ATP8A2: variants seen among roughly 807,000 people sequenced by gnomAD.
ATP8A2 encodes ATPase phospholipid transporting 8A2, also known as phospholipid-transporting ATPase IB.
A neutral mutation model predicts 165.6 loss-of-function variants in ATP8A2; 100 were observed. That is an observed-to-expected ratio of 0.60 (90% confidence interval 0.51 to 0.71). The LOEUF (loss-of-function observed/expected upper bound fraction) is 0.71. ATP8A2 is among the 30% of genes least tolerant of loss of function. The pLI is 0.00. For synonymous variants in ATP8A2, 543 were observed against 548.8 expected, an observed-to-expected ratio of 0.99 and a Z score of 0.15; for missense variants, 1,227 against 1,479.5, an observed-to-expected ratio of 0.83 and a Z score of 2.80.
At chr13:25,568,183 G>A (rs568976792) in intron 16 of ATP8A2, among the ~76,000 whole-genome samples, 1 of 152,304 alleles carries the variant, frequency 6.6e-6, no homozygotes, top group South Asian at 2.1e-4. Flanking sequence ...GGCTCTTAGA[G>A]AATCAACCTA....
intron 27 of ATP8A2, among the ~76,000 whole-genome samples, chr13:25,788,801 A>G (rs1403178001): frequency 2.0e-5 from 3 of 152,328 alleles, no homozygotes; most frequent in Non-Finnish European, 2.9e-5. Flanking sequence ...CTAAGAATCA[A>G]TTGTATTTCA....
At chr13:25,765,958 T>A (rs1053574100) in intron 25 of ATP8A2, among the ~76,000 whole-genome samples, 2 of 152,158 alleles carry the variant, frequency 1.3e-5, no homozygotes, top group Non-Finnish European at 2.9e-5. Context: ...GGGCTTCCTT[T>A]CTCTCCAGAC....
intron 2 of ATP8A2, among the ~76,000 whole-genome samples, chr13:25,515,147 G>C (rs2037425254): frequency 6.6e-6 from 1 of 152,166 alleles, no homozygotes; most frequent in African/African-American, 2.4e-5. Flanking sequence ...TGGCACATTA[G>C]CTTTTCCCGC....
chr13:25,607,915 G>A (rs1208502833), intron 24 of ATP8A2, among the ~76,000 whole-genome samples: 1 of 152,104 alleles, frequency 6.6e-6, no homozygotes, highest in Admixed American at 6.6e-5. Flanking sequence ...GGTAACTCTT[G>A]TTATAAGGGA....
At chr13:25,960,328 C>T (rs982376740) in intron 33 of ATP8A2, among the ~76,000 whole-genome samples, 14 of 152,134 alleles carry the variant, frequency 9.2e-5, no homozygotes, top group African/African-American at 3.4e-4. Context: ...GAATCCTGCC[C>T]TCATTTTACT....
chr13:25,598,502 A>T (rs1171728818), intron 24 of ATP8A2, among the ~76,000 whole-genome samples: 1 of 152,160 alleles, frequency 6.6e-6, no homozygotes, highest in Non-Finnish European at 1.5e-5. Context: ...TCTCTCATTT[A>T]CTTAGGTCTT....
chr13:25,393,583 CTTTTGTA>C (rs2033321661), intron 1 of ATP8A2, among the ~76,000 whole-genome samples: 1 of 151,936 alleles, frequency 6.6e-6, no homozygotes, highest in Admixed American at 6.6e-5. Context: ...GCCCAGCTAA[CTTTTGTA>C]TTTTTAGTAG....
chr13:26,024,304 T>C lies in ATP8A2; in HGVS notation c.*4319T>C, dbSNP rs1352482930. 6.6e-6 allele frequency: 1 copy of C among 152,202 alleles called. No individual in the cohort carries two copies. The highest frequency in any genetic ancestry group is 2.4e-5 in the African/African-American group (1 of 41,448). The allele number at this position is 152,202 out of a possible 1,614,324, so 9.4% of individuals were successfully genotyped here. On this transcript the variant is annotated 3_prime_UTR_variant, in exon 37 of 37. Transcript: ENST00000381655. ...TTAACAGACCAGCACGCTCGATGTG[T>C]TGTACCCTTCATTTATTTTTTTTTC...
At chr13:25,536,880 T>G (rs1196295476) in intron 6 of ATP8A2, among the ~76,000 whole-genome samples, 1 of 152,224 alleles carries the variant, frequency 6.6e-6, no homozygotes, top group African/African-American at 2.4e-5. Context: ...GTATACTTCC[T>G]TAGTCACTGC....
At chr13:25,508,688 T>G (rs190184298) in intron 2 of ATP8A2, among the ~76,000 whole-genome samples, 25 of 152,354 alleles carry the variant, frequency 1.6e-4, no homozygotes, top group Admixed American at 3.3e-4. Flanking sequence ...AGGTTGTTAT[T>G]AAAATAACCA....
chr13:25,882,656 C>G (rs968353343), intron 33 of ATP8A2, among the ~76,000 whole-genome samples: 1 of 152,100 alleles, frequency 6.6e-6, no homozygotes, highest in African/African-American at 2.4e-5. Flanking sequence ...TTGTTAAACC[C>G]CATGCGGCAT....
chr13:25,566,376 C>A lies in ATP8A2; in HGVS notation c.1473+2345C>A, dbSNP rs116594479. ...TGGCGCCTCTGAAGAATCGTCTCTGCAGGAAGGTGGTTTTAATCAAAGATG... is the reference window on the plus strand; with the variant it reads ...TGGCGCCTCTGAAGAATCGTCTCTGAAGGAAGGTGGTTTTAATCAAAGATG... On this transcript the variant is annotated intron_variant, in intron 16 of 36. Transcript: ENST00000381655. Among the ~76,000 whole-genome samples the A allele has an allele frequency of 3.9e-3, 590 of 152,090 alleles. 5 individuals carry two copies. Among genetic ancestry groups the A allele is most frequent in the African/African-American group, 0.014 (568 of 41,448 alleles).
intron 2 of ATP8A2, among the ~76,000 whole-genome samples, chr13:25,524,740 A>T (rs1267755905): frequency 6.6e-6 from 1 of 152,050 alleles, no homozygotes; most frequent in East Asian, 1.9e-4. Context: ...TCTTGTAGGC[A>T]GCATATAGCT....
At chr13:25,755,919 C>T (rs2044251702) in intron 25 of ATP8A2, among the ~76,000 whole-genome samples, 1 of 152,124 alleles carries the variant, frequency 6.6e-6, no homozygotes, top group African/African-American at 2.4e-5. Flanking sequence ...AAAAAAAACC[C>T]ATATAGAATT....
chr13:25,683,831 A>T (rs1327264953), intron 24 of ATP8A2, among the ~76,000 whole-genome samples: 1 of 152,016 alleles, frequency 6.6e-6, no homozygotes, highest in Non-Finnish European at 1.5e-5. Context: ...GGCACTTTCC[A>T]GTTGGCCACA....
intron 33 of ATP8A2, among the ~76,000 whole-genome samples, chr13:25,867,451 C>T (rs1283275347): frequency 6.6e-6 from 1 of 152,118 alleles, no homozygotes; most frequent in Admixed American, 6.5e-5. Context: ...GCTCAGCTAC[C>T]ATTCCAGGAT....
intron 24 of ATP8A2, among the ~76,000 whole-genome samples, chr13:25,691,026 A>G (rs543491897): frequency 6.6e-6 from 1 of 152,314 alleles, no homozygotes; most frequent in South Asian, 2.1e-4. Context: ...AGAAATAATA[A>G]AGTATTGACA....
intron 24 of ATP8A2, among the ~76,000 whole-genome samples, chr13:25,692,427 G>A (rs1014256009): frequency 6.6e-6 from 1 of 152,204 alleles, no homozygotes; most frequent in Non-Finnish European, 1.5e-5. Context: ...GCTGACGGAG[G>A]AAGAGGGCTC....
At chr13:25,469,876 G>A (rs1017431747) in intron 2 of ATP8A2, among the ~76,000 whole-genome samples, 3 of 152,120 alleles carry the variant, frequency 2.0e-5, no homozygotes, top group African/African-American at 7.2e-5. Flanking sequence ...CTTTATCACG[G>A]GTGTTCGTAC....
Sources: allele counts gnomAD v4.1 joint callset (sites outside exome capture counted in the v4.1 genomes callset), GRCh38; gene constraint gnomAD v4.1.1; transcripts MANE v1.5; gene names NCBI Gene and HGNC (gene_info 2026-07-23, HGNC 2026-07-21).